AR: variants seen among roughly 807,000 people sequenced by gnomAD.
AR encodes the protein androgen receptor.
In AR, 8 loss-of-function variants were observed where a neutral mutation model predicts 53.9. The observed-to-expected ratio is 0.15, with a 90% CI of 0.09 to 0.27. The LOEUF (loss-of-function observed/expected upper bound fraction) is 0.27. Ranked by LOEUF, AR falls within the 10% of genes least tolerant of loss-of-function variation. AR has a pLI of 1.00. For synonymous variants in AR, 359 were observed against 316.4 expected, an observed-to-expected ratio of 1.13 and a Z score of -1.43; for missense variants, 639 against 742.5, an observed-to-expected ratio of 0.86 and a Z score of 1.62.
Position 67,684,227 on chromosome X carries a change from A to T in AR, c.1769-1783A>T, listed in dbSNP as rs1335274912. ...CCTGTTTTTGAGGAGCTAACACCCA[A>T]AGGCTGAACAGCACTCGTAGCACCG... On this transcript the variant is annotated intron_variant, in intron 2 of 7. Coordinates refer to ENST00000374690, the MANE Select transcript of AR (RefSeq NM_000044.6). Among the ~76,000 whole-genome samples the T allele has an allele frequency of 2.7e-5, 3 of 111,883 alleles. No homozygotes were observed. In the Admixed American group the frequency reaches 2.9e-4, roughly 11 times the overall value.
intron 3 of AR, among the ~76,000 whole-genome samples, chrX:67,708,505 A>G (rs772367256): frequency 8.9e-6 from 1 of 111,764 alleles, no homozygotes; most frequent in East Asian, 2.8e-4. Flanking sequence ...AGGTCATTTA[A>G]GGCCGTCTCT....
intron 1 of AR, among the ~76,000 whole-genome samples, chrX:67,548,552 C>T (rs1331153746): frequency 1.8e-5 from 2 of 111,192 alleles, no homozygotes; most frequent in African/African-American, 6.5e-5. Flanking sequence ...TTTTGACCTG[C>T]CATGATACTA....
At chrX:67,611,588 T>C (rs901170952) in intron 1 of AR, among the ~76,000 whole-genome samples, 22 of 111,950 alleles carry the variant, frequency 2.0e-4, no homozygotes, top group African/African-American at 7.1e-4. Context: ...TTTTTTCTTA[T>C]GACTTTAGAG....
intron 1 of AR, among the ~76,000 whole-genome samples, chrX:67,630,021 G>T (rs1456436066): frequency 1.8e-5 from 2 of 111,127 alleles, no homozygotes; most frequent in Non-Finnish European, 3.8e-5. Flanking sequence ...TATAATTTCT[G>T]TTCTTTTACA....
intron 1 of AR, among the ~76,000 whole-genome samples, chrX:67,635,226 T>C (rs1191972679): frequency 1.8e-5 from 2 of 110,876 alleles, no homozygotes; most frequent in African/African-American, 3.3e-5. Flanking sequence ...GGCTTTTACA[T>C]GTTATTTAAT....
At chrX:67,581,053 A>G (rs1229836068) in intron 1 of AR, among the ~76,000 whole-genome samples, 1 of 111,935 alleles carries the variant, frequency 8.9e-6, no homozygotes, top group African/African-American at 3.2e-5. Context: ...AAGGCAATCT[A>G]TTTATTAATT....
intron 3 of AR, among the ~76,000 whole-genome samples, chrX:67,691,521 G>T (rs772278056): frequency 1.8e-5 from 2 of 111,823 alleles, no homozygotes; most frequent in Admixed American, 1.9e-4. Flanking sequence ...TGTAACTCAG[G>T]ATTCCCGAAG....
intron 1 of AR, among the ~76,000 whole-genome samples, chrX:67,581,772 A>G (rs1768048433): frequency 8.9e-6 from 1 of 111,783 alleles, no homozygotes; most frequent in Admixed American, 9.5e-5. Flanking sequence ...GATGGAAGGT[A>G]TGTGAGAAAA....
chrX:67,685,660 G>C (rs2075962071), intron 2 of AR, among the ~76,000 whole-genome samples: 1 of 111,260 alleles, frequency 9.0e-6, no homozygotes, highest in African/African-American at 3.3e-5. Context: ...ATGCTAAAGG[G>C]GTGACAAGTT....
chrX:67,722,097 C>G lies in AR; in HGVS notation c.2449+134C>G, dbSNP rs1192983661. Reference sequence around the variant, plus strand: ...CCTTCTTCATTCCCCCTCCCCATCCCCACTCTACTCTCTCTCAGCATCATT... The same window carrying G: ...CCTTCTTCATTCCCCCTCCCCATCCGCACTCTACTCTCTCTCAGCATCATT... On this transcript the variant is annotated intron_variant, in intron 6 of 7. Coordinates refer to ENST00000374690, the MANE Select transcript of AR (RefSeq NM_000044.6). 5.4e-6 allele frequency: 4 copies of G among 740,005 alleles called. No individual in the cohort carries two copies. In the African/African-American group the frequency reaches 6.4e-5, roughly 12 times the overall value. The allele number at this position is 740,005 out of a possible 1,213,427, so 61.0% of individuals were successfully genotyped here. A position where few individuals can be genotyped will look rare whatever the true frequency, so the allele number is the denominator to read the frequency against.
intron 2 of AR, among the ~76,000 whole-genome samples, chrX:67,652,829 A>G (rs775995060): frequency 2.7e-5 from 3 of 112,060 alleles, no homozygotes; most frequent in South Asian, 7.6e-4. Context: ...AAGGTATTCT[A>G]TAGTGAGAGG....
At chrX:67,709,906 C>G (rs748429323) in intron 3 of AR, among the ~76,000 whole-genome samples, 22 of 112,075 alleles carry the variant, frequency 2.0e-4, no homozygotes, top group African/African-American at 7.1e-4. Context: ...AAAGGACCTT[C>G]AAGGCCACTT....
chrX:67,682,926 C>T (rs1484310374), intron 2 of AR, among the ~76,000 whole-genome samples: 4 of 112,327 alleles, frequency 3.6e-5, no homozygotes, highest in Non-Finnish European at 1.9e-5. Context: ...TCAACCACTT[C>T]TGTCACTATT....
At chrX:67,686,518 G>A (rs896985902) in intron 3 of AR, among the ~76,000 whole-genome samples, 2 of 110,655 alleles carry the variant, frequency 1.8e-5, no homozygotes, top group Non-Finnish European at 3.8e-5. Flanking sequence ...GATGACCCAG[G>A]CATAGGCGCA....
intron 2 of AR, among the ~76,000 whole-genome samples, chrX:67,663,468 C>A (rs185927433): frequency 2.7e-5 from 3 of 112,483 alleles, no homozygotes; most frequent in African/African-American, 9.7e-5. Flanking sequence ...TCTCTTCTGG[C>A]TTGTAGAGTT....
At chrX:67,672,676 T>A (rs773071335) in intron 2 of AR, among the ~76,000 whole-genome samples, 1 of 111,281 alleles carries the variant, frequency 9.0e-6, no homozygotes, top group Non-Finnish European at 1.9e-5. Flanking sequence ...TGTCACTTTG[T>A]CGTTTCTATT....
chrX:67,554,454 C>G (rs868721054), intron 1 of AR, among the ~76,000 whole-genome samples: 4 of 111,558 alleles, frequency 3.6e-5, no homozygotes, highest in Non-Finnish European at 7.5e-5. Flanking sequence ...AGCCATGAAG[C>G]AAAGATAAAA....
rs768030110 is a variant in AR, at chrX:67,546,666, G to A, written c.1520G>A (p.Gly507Asp). Residue 507 changes from glycine (G) to aspartate (D), a missense_variant, in exon 1 of 8, where the codon GGC (glycine) becomes GAC (aspartate). By Grantham distance (94) the Gly-to-Asp change is moderately conservative. Transcript: ENST00000374690. ...GCACCTGATGTGTGGTACCCTGGCG[G>A]CATGGTGAGCAGAGTGCCCTATCCC... ...FTAPDVWYPGGMVSRVPYPSP... is the reference protein window; with the variant it reads ...FTAPDVWYPGDMVSRVPYPSP... 1.2e-5 allele frequency: 14 copies of A among 1,204,307 alleles called. No individual in the cohort carries two copies. The highest frequency in any genetic ancestry group is 1.2e-5 in the Non-Finnish European group (11 of 892,591).
chrX:67,720,702 A>G, intron 5 of AR, among the ~76,000 whole-genome samples: 1 of 110,906 alleles, frequency 9.0e-6, no homozygotes. Context: ...TAGGATGCTG[A>G]GCTTCCACCC....
Sources: gnomAD v4.1 joint callset for allele counts (sites outside exome capture counted in the v4.1 genomes callset) on GRCh38, gnomAD v4.1.1 for gene constraint, MANE v1.5 for transcripts, NCBI Gene and HGNC (gene_info 2026-07-23, HGNC 2026-07-21) for gene names.